The following SPATA6 variants were observed in gnomAD, a reference collection of about 807,000 sequenced individuals.
SPATA6 encodes spermatogenesis associated 6.
A neutral mutation model predicts 65.3 loss-of-function variants in SPATA6; 56 were observed. The observed-to-expected ratio is 0.86, with a 90% CI of 0.69 to 1.07. The LOEUF (loss-of-function observed/expected upper bound fraction) is 1.07. Ranked by LOEUF, SPATA6 falls within the 50% of genes least tolerant of loss-of-function variation. SPATA6 has a pLI of 0.00. For synonymous variants in SPATA6, 199 were observed against 213.2 expected, an observed-to-expected ratio of 0.93 and a Z score of 0.58; for missense variants, 590 against 594.8, an observed-to-expected ratio of 0.99 and a Z score of 0.08.
In SPATA6 at chr1:48,370,388, G is replaced by A. The variant is rs1223301092; in HGVS notation, c.910-10618C>T. On this transcript the variant is annotated intron_variant, in intron 9 of 12. Coordinates refer to ENST00000371847, the MANE Select transcript of SPATA6 (RefSeq NM_019073.4). ...AAGTATGGTTCTGAAAGGGGAAAAA[G>A]TAGATATGGGTAACTGAAATCACTT... 2.6e-5 allele frequency among the ~76,000 whole-genome samples: 4 copies of A among 152,176 alleles called. No individual in the cohort carries two copies. The East Asian group carries it at 5.8e-4, about 22-fold the overall frequency.
At chr1:48,422,121 G>A (rs1653403950) in intron 3 of SPATA6, among the ~76,000 whole-genome samples, 1 of 152,220 alleles carries the variant, frequency 6.6e-6, no homozygotes, top group Admixed American at 6.5e-5. Context: ...AGTATAGAAA[G>A]GGTGAGAGAA....
rs34415296 is a variant in SPATA6 at position 48,418,544 on chromosome 1, CAAAAAAAAAAAAAAA to C, written c.239-5408_239-5394del. On this transcript the variant is annotated intron_variant, in intron 3 of 12. Coordinates refer to ENST00000371847, the MANE Select transcript of SPATA6 (RefSeq NM_019073.4). Reference sequence around the variant, plus strand: ...GCAACATGGCAAGAACCCATCCCTACAAAAAAAAAAAAAAAAAAAAAAAAAAAAAAAAAATTAGCT... The same window carrying C: ...GCAACATGGCAAGAACCCATCCCTACAAAAAAAAAAAAAAAAAAATTAGCT... 2.6e-3 allele frequency among the ~76,000 whole-genome samples: 129 copies of C among 49,714 alleles called. 2 individuals carry two copies. Among genetic ancestry groups the C allele is most frequent in the African/African-American group, 0.01 (116 of 11,590 alleles). The allele number at this position is 49,714 out of a possible 152,430, so 32.6% of individuals were successfully genotyped here. A position where few individuals can be genotyped will look rare whatever the true frequency, so the allele number is the denominator to read the frequency against.
At chr1:48,269,583 A>G in the SPATA6 span, among the ~76,000 whole-genome samples, 3 of 152,134 alleles carry the variant, frequency 2.0e-5, no homozygotes, top group Admixed American at 6.5e-5. Context: ...ATATTTTCCC[A>G]TTTAATCATA....
chr1:48,279,637 C>G, the SPATA6 span, among the ~76,000 whole-genome samples: 56 of 152,108 alleles, frequency 3.7e-4, no homozygotes, highest in Non-Finnish European at 4.0e-4. Context: ...GCTAACTATC[C>G]TAAATATATA....
At chr1:48,457,022 G>A (rs1657055545) in intron 1 of SPATA6, among the ~76,000 whole-genome samples, 1 of 152,174 alleles carries the variant, frequency 6.6e-6, no homozygotes, top group Admixed American at 6.5e-5. Context: ...CTTGAGGCCA[G>A]GAGTTCAAGA....
At chr1:48,399,316 C>G (rs751183039) in intron 7 of SPATA6, 35 bp downstream of exon 7, 2 of 1,568,524 alleles carry the variant, frequency 1.3e-6, no homozygotes, top group South Asian at 2.4e-5. Context: ...AAAAGCTGAT[C>G]AGTTTCAAAT....
intron 3 of SPATA6, among the ~76,000 whole-genome samples, chr1:48,439,356 A>T (rs550844565): frequency 6.6e-6 from 1 of 152,130 alleles, no homozygotes; most frequent in Non-Finnish European, 1.5e-5. Flanking sequence ...CAACTTTTCC[A>T]ATCAGCAGGG....
rs902853505 is a variant in SPATA6, at chr1:48,385,298, A to G, written c.909+11T>C. ...CAGAACAATTATTATTCTACAATTCATTCTACACACCTTATAATCCTTGGG... is the reference window on the plus strand; with the variant it reads ...CAGAACAATTATTATTCTACAATTCGTTCTACACACCTTATAATCCTTGGG... On this transcript the variant is annotated intron_variant, in intron 9 of 12. Coordinates refer to ENST00000371847, the MANE Select transcript of SPATA6 (RefSeq NM_019073.4). The G allele has an allele frequency of 6.3e-7, 1 of 1,597,094 alleles. No individual in the cohort carries two copies. The highest frequency in any genetic ancestry group is 8.5e-7 in the Non-Finnish European group (1 of 1,173,398).
the SPATA6 span, among the ~76,000 whole-genome samples, chr1:48,280,831 T>G: frequency 7.2e-5 from 11 of 152,318 alleles, no homozygotes; most frequent in South Asian, 4.1e-4. Flanking sequence ...TAACTCATTT[T>G]ATGAGGCCAG....
At chr1:48,371,785 T>C (rs1198602740) in intron 9 of SPATA6, among the ~76,000 whole-genome samples, 1 of 152,104 alleles carries the variant, frequency 6.6e-6, no homozygotes, top group Non-Finnish European at 1.5e-5. Flanking sequence ...TACAGTTCCA[T>C]ATAGCTGGGG....
At chr1:48,460,965 T>A (rs1239315030) in intron 1 of SPATA6, among the ~76,000 whole-genome samples, 1 of 152,046 alleles carries the variant, frequency 6.6e-6, no homozygotes, top group East Asian at 1.9e-4. Context: ...GGCTGCCTGA[T>A]AAATTTAAAG....
chr1:48,347,791 A>C lies in SPATA6; in HGVS notation c.1194+7879T>G, dbSNP rs1473768101. 2.0e-5 allele frequency among the ~76,000 whole-genome samples: 3 copies of C among 151,708 alleles called. No individual in the cohort carries two copies. In the Admixed American group the frequency reaches 2.0e-4, roughly 10 times the overall value. ...TTTTTCAGATTTAGAATTTTGGCAG[A>C]CCAAGAGATGCCACCTGGACTTGTG... On this transcript the variant is annotated intron_variant, in intron 11 of 12. Transcript: ENST00000371847.
intron 11 of SPATA6, chr1:48,325,790 T>C (rs1381866913): frequency 2.2e-6 from 1 of 450,124 alleles, no homozygotes; most frequent in African/African-American, 2.0e-5. Context: ...GACCCTGGAA[T>C]CAGTCGGAAT....
At chr1:48,394,371 C>T (rs934768591) in intron 8 of SPATA6, among the ~76,000 whole-genome samples, 5 of 152,084 alleles carry the variant, frequency 3.3e-5, no homozygotes, top group Admixed American at 3.3e-4. Flanking sequence ...AGTTACTTTA[C>T]AGTGGCTTGT....
intron 12 of SPATA6, among the ~76,000 whole-genome samples, chr1:48,302,873 G>GAA (rs1644973859): frequency 1.3e-5 from 2 of 151,928 alleles, no homozygotes; most frequent in Non-Finnish European, 2.9e-5. Flanking sequence ...TCCTCTGCTT[G>GAA]TTTGCCAAGT....
At chr1:48,426,645 ATTTT>A (rs1371215716) in intron 3 of SPATA6, among the ~76,000 whole-genome samples, 1 of 151,930 alleles carries the variant, frequency 6.6e-6, no homozygotes, top group Admixed American at 6.6e-5. Flanking sequence ...GAAAAAAAAA[ATTTT>A]TTTAATTTAA....
At chr1:48,452,242 G>A (rs1033589740) in intron 2 of SPATA6, among the ~76,000 whole-genome samples, 5 of 151,784 alleles carry the variant, frequency 3.3e-5, no homozygotes, top group African/African-American at 7.3e-5. Context: ...AAAAAGGGAA[G>A]GAAGGAAGGC....
At chr1:48,461,663 A>G (rs536462759) in intron 1 of SPATA6, among the ~76,000 whole-genome samples, 1 of 152,340 alleles carries the variant, frequency 6.6e-6, no homozygotes, top group East Asian at 1.9e-4. Context: ...CACACCAGTT[A>G]GAATGGCAAT....
intron 11 of SPATA6, among the ~76,000 whole-genome samples, chr1:48,352,362 T>C (rs1646535968): frequency 6.6e-6 from 1 of 152,070 alleles, no homozygotes; most frequent in Admixed American, 6.6e-5. Context: ...TAGTAGTTTG[T>C]ATTTTTCCAG....
Sources: allele counts gnomAD v4.1 joint callset (sites outside exome capture counted in the v4.1 genomes callset), GRCh38; gene constraint gnomAD v4.1.1; transcripts MANE v1.5; gene names NCBI Gene and HGNC (gene_info 2026-07-23, HGNC 2026-07-21).